RAN: variants seen among roughly 807,000 people sequenced by gnomAD.
RAN encodes the protein RAN, member RAS oncogene family.
In RAN, 2 loss-of-function variants were observed where a neutral mutation model predicts 26.8. The observed-to-expected ratio is 0.07, with a 90% CI of 0.03 to 0.23. The LOEUF (loss-of-function observed/expected upper bound fraction) is 0.23, where lower values mean the gene tolerates loss of function less well. Ranked by LOEUF, RAN falls within the 10% of genes least tolerant of loss-of-function variation. The probability of loss-of-function intolerance (pLI) is 1.00; values close to 1 mark genes in which losing one functional copy is unlikely to be tolerated. For synonymous variants in RAN, 132 were observed against 95.9 expected (o/e 1.38, Z -2.20); for missense variants, 56 against 264.8 (o/e 0.21, Z 5.47).
In RAN at chr12:130,876,069, G is replaced by C; in HGVS notation, c.*143G>C. On this transcript the variant is annotated 3_prime_UTR_variant, in exon 7 of 7. Transcript: ENST00000543796. ...ATCTGTGGGATGCTGAAGGAGATGA[G>C]TGGGCTTCGGAGTGAATGTGGCAGT... 1 of 832,528 alleles carries C rather than the reference G, an allele frequency of 1.2e-6. No individual in the cohort carries two copies. The highest frequency in any genetic ancestry group is 1.6e-5 in the South Asian group (1 of 62,028). 51.6% of individuals were successfully genotyped at this position (832,528 alleles called of 1,614,324 possible). A position where few individuals can be genotyped will look rare whatever the true frequency, so the allele number is the denominator to read the frequency against.
At position 130,876,892 on chromosome 12, in the gene RAN, T is replaced by A. The variant is rs982140997; in HGVS notation, c.*966T>A. The A allele has an allele frequency of 6.6e-5, 10 of 152,218 alleles. No homozygotes were observed. The highest frequency in any genetic ancestry group is 2.4e-4 in the African/African-American group (10 of 41,442). The allele number at this position is 152,218 out of a possible 1,614,324, so 9.4% of individuals were successfully genotyped here. ...AAGATGTCTTGAACATTTAAGTTCT[T>A]CAGCAGTTCACACTACACCGTTTTT... On this transcript the variant is annotated 3_prime_UTR_variant, in exon 7 of 7. Transcript: ENST00000543796.
intron 1 of RAN, 75 bp from the exon 2 acceptor site, chr12:130,872,509 C>T (rs1328975060): frequency 1.7e-6 from 2 of 1,160,292 alleles, no homozygotes; most frequent in African/African-American, 1.6e-5. Flanking sequence ...ACGTGGGGCG[C>T]TGGGGGCGCG....
At chr12:130,874,015 T>C (rs896630100) in intron 4 of RAN, 5 of 383,596 alleles carry the variant, frequency 1.3e-5, no homozygotes, top group South Asian at 9.2e-5. Flanking sequence ...GCCTGACTAA[T>C]TTTTGTATTT....
At chr12:130,872,356 GTCCCAGTCCCGT>G (rs1489464357) in intron 1 of RAN, 1 of 158,924 alleles carries the variant, frequency 6.3e-6, no homozygotes, top group East Asian at 1.9e-4. Flanking sequence ...CCCCGTCCCG[GTCCCAGTCCCGT>G]TCCCATCCCT....
intron 2 of RAN, 76 bp from the exon 3 acceptor site, chr12:130,872,760 G>C: frequency 6.3e-7 from 1 of 1,587,634 alleles, no homozygotes; most frequent in East Asian, 2.2e-5. Flanking sequence ...AGCCTGTGGT[G>C]GTTAAAGTTC....
rs1441703208 is a variant in RAN, at chr12:130,877,540, A to C, written c.*1614A>C. 1.3e-5 allele frequency: 2 copies of C among 152,202 alleles called. No individual in the cohort carries two copies. Among genetic ancestry groups the C allele is most frequent in the Admixed American group, 1.3e-4 (2 of 15,270 alleles). 9.4% of individuals were successfully genotyped at this position (152,202 alleles called of 1,614,324 possible). A position where few individuals can be genotyped will look rare whatever the true frequency, so the allele number is the denominator to read the frequency against. On this transcript the variant is annotated 3_prime_UTR_variant, in exon 7 of 7. Transcript: ENST00000543796. Reference sequence around the variant, plus strand: ...CTTGTGGAGATTGCAAGTGGTGTTGACATTCTGGATCTTCTATGTAACAGT... The same window carrying C: ...CTTGTGGAGATTGCAAGTGGTGTTGCCATTCTGGATCTTCTATGTAACAGT...
At chr12:130,873,356 C>T in intron 4 of RAN, 3 of 501,060 alleles carry the variant, frequency 6.0e-6, no homozygotes, top group Non-Finnish European at 7.2e-6. Flanking sequence ...AAAACTATGA[C>T]TTACACTGGG....
At position 130,877,324 on chromosome 12, in the gene RAN, T is replaced by C; in HGVS notation, c.*1398T>C. ...TGGAAAAATGAAATAAGGGTGAAGC[T>C]GAATAAAGTTCTACTTACTGTATTA... is the stretch of plus-strand genomic sequence containing the variant. On this transcript the variant is annotated 3_prime_UTR_variant, in exon 7 of 7. Coordinates refer to ENST00000543796, the MANE Select transcript of RAN (RefSeq NM_006325.5). The C allele has an allele frequency of 6.6e-6, 1 of 152,340 alleles. No homozygotes were observed. Among genetic ancestry groups the C allele is most frequent in the East Asian group, 1.9e-4 (1 of 5,188 alleles). 9.4% of individuals were successfully genotyped at this position (152,340 alleles called of 1,614,324 possible). A position where few individuals can be genotyped will look rare whatever the true frequency, so the allele number is the denominator to read the frequency against.
chr12:130,875,492 C>T (rs968214436), intron 5 of RAN, 120 bp from the exon 6 acceptor site: 6 of 918,436 alleles, frequency 6.5e-6, no homozygotes, highest in Admixed American at 2.9e-5. Context: ...GCTGGGATTA[C>T]AGGCATGAGC....
intron 4 of RAN, chr12:130,873,465 A>G (rs983143368): frequency 3.6e-6 from 1 of 279,986 alleles, no homozygotes. Context: ...GTGATCAATG[A>G]ATGTTTTTAC....
At chr12:130,872,531 G>T in intron 1 of RAN, 53 bp from the exon 2 acceptor site, 6 of 1,341,898 alleles carry the variant, frequency 4.5e-6, no homozygotes, top group Non-Finnish European at 5.7e-6. Flanking sequence ...GAGCGGGGCC[G>T]CCATGGGCTG....
At chr12:130,874,491 A>G (rs1323885893) in intron 4 of RAN, 55 bp from the exon 5 acceptor site, 5 of 1,389,856 alleles carry the variant, frequency 3.6e-6, no homozygotes, top group Non-Finnish European at 5.0e-6. Flanking sequence ...GGTTCTTAGC[A>G]TTCTTCACTT....
Position 130,876,172 on chromosome 12 carries a change from A to G in RAN, c.*246A>G. 3.7e-6 allele frequency: 2 copies of G among 542,474 alleles called. No homozygotes were observed. The highest frequency in any genetic ancestry group is 4.5e-5 in the South Asian group (2 of 43,994). 33.6% of individuals were successfully genotyped at this position (542,474 alleles called of 1,614,324 possible). Reference sequence around the variant, plus strand: ...AGTTGATTCCTTGAGTTTCATATATAAGACTGCTGCAGTCACATCACAATA... The same window carrying G: ...AGTTGATTCCTTGAGTTTCATATATGAGACTGCTGCAGTCACATCACAATA... On this transcript the variant is annotated 3_prime_UTR_variant, in exon 7 of 7. Transcript: ENST00000543796.
At chr12:130,873,954 C>G (rs948914175) in intron 4 of RAN, 1 of 315,068 alleles carries the variant, frequency 3.2e-6, no homozygotes, top group Non-Finnish European at 6.7e-6. Flanking sequence ...CTCAAGCCAT[C>G]CTCTTACCTC....
At chr12:130,875,464 ACCT>A in intron 5 of RAN, 145 bp from the exon 6 acceptor site, 1 of 729,346 alleles carries the variant, frequency 1.4e-6, no homozygotes, top group Non-Finnish European at 2.2e-6. Flanking sequence ...AGGCAATCCC[ACCT>A]CAGCCCCCGA....
rs1487403880 is a variant in RAN at position 130,872,104 on chromosome 12, G to A, written c.-33G>A. On this transcript the variant is annotated 5_prime_UTR_variant, in exon 1 of 7. Transcript: ENST00000543796. ...GCCATCTTTCCAGCCTCAGTCGGACGGGCGCGGAGACGCTTCTGGAAGGTA... is the reference window on the plus strand; with the variant it reads ...GCCATCTTTCCAGCCTCAGTCGGACAGGCGCGGAGACGCTTCTGGAAGGTA... The A allele has an allele frequency of 6.4e-6, 2 of 314,904 alleles. No homozygotes were observed. Among genetic ancestry groups the A allele is most frequent in the Non-Finnish European group, 6.8e-6 (1 of 147,578 alleles). The allele number at this position is 314,904 out of a possible 1,614,324, so 19.5% of individuals were successfully genotyped here.
chr12:130,874,021 T>C lies in RAN; in HGVS notation c.248-525T>C, dbSNP rs769473384. 2.6e-4 allele frequency: 102 copies of C among 385,672 alleles called. 2 individuals carry two copies. The highest frequency in any genetic ancestry group is 1.8e-3 in the South Asian group (99 of 54,600). The allele number at this position is 385,672 out of a possible 1,614,324, so 23.9% of individuals were successfully genotyped here. On this transcript the variant is annotated intron_variant, in intron 4 of 6. Transcript: ENST00000543796. ...TGCCACTATGCCTGACTAATTTTTG[T>C]ATTTTTTTGTAGAGATGGGGATTCA... is the stretch of plus-strand genomic sequence containing the variant.
At chr12:130,874,521 C>G (rs1399211281) in intron 4 of RAN, 25 bp from the exon 5 acceptor site, 1 of 1,521,588 alleles carries the variant, frequency 6.6e-7, no homozygotes, top group Non-Finnish European at 9.0e-7. Flanking sequence ...ACTGAGTGTA[C>G]TAATTCCCAC....
Position 130,875,666 on chromosome 12 carries a change from C to T in RAN, c.490C>T (p.Leu164Phe). The change falls in exon 6 of 7, where the codon CTT becomes TTT. Residue 164 changes from leucine (L) to phenylalanine (F), a missense_variant. Physicochemically the swap from Leu to Phe is conservative, Grantham distance 22. Around this residue, in one of 2 missense-constraint regions of RAN, gnomAD observed 39 missense variants for 248.7 expected, o/e 0.16. Transcript: ENST00000543796. The stretch of plus-strand genomic sequence containing the variant: ...CAACTTTGAAAAGCCCTTCCTCTGG[C>T]TTGCTAGGAAGCTCATTGGAGACCC... ...NYNFEKPFLWLARKLIGDPNL... is the reference protein window; with the variant it reads ...NYNFEKPFLWFARKLIGDPNL... The T allele has an allele frequency of 6.2e-7, 1 of 1,613,302 alleles. No individual in the cohort carries two copies. Among genetic ancestry groups the T allele is most frequent in the Admixed American group, 1.7e-5 (1 of 59,842 alleles).
Sources: gnomAD v4.1 joint callset for allele counts on GRCh38, gnomAD v4.1.1 for gene constraint, gnomAD v4.1.1 regional missense constraint, MANE v1.5 for transcripts, NCBI Gene and HGNC (gene_info 2026-07-23, HGNC 2026-07-21) for gene names.